KLF8: variants seen among roughly 807,000 people sequenced by gnomAD.
The protein encoded by KLF8 is Krueppel-like factor 8.
A neutral mutation model predicts 18.2 loss-of-function variants in KLF8; 10 were observed. That is an observed-to-expected ratio of 0.55 (90% confidence interval 0.34 to 0.93). The LOEUF is 0.93. Ranked by LOEUF, KLF8 falls within the 40% of genes least tolerant of loss-of-function variation. KLF8 has a pLI of 0.02. For missense variants in KLF8, 264 were observed against 277.9 expected (o/e 0.95, Z 0.36); for synonymous variants, 109 against 97.3 (o/e 1.12, Z -0.71).
At chrX:56,050,775 C>T in the KLF8 span, among the ~76,000 whole-genome samples, 2 of 111,357 alleles carry the variant, frequency 1.8e-5, no homozygotes, top group African/African-American at 6.5e-5. Flanking sequence ...CTGTAGATGT[C>T]TATTAGGTCC....
At chrX:56,061,385 G>A in the KLF8 span, among the ~76,000 whole-genome samples, 5 of 111,363 alleles carry the variant, frequency 4.5e-5, no homozygotes, top group South Asian at 3.7e-4. Flanking sequence ...CATTGGTTTC[G>A]AAGAACTTAT....
intron 1 of KLF8, among the ~76,000 whole-genome samples, chrX:56,247,800 A>C (rs750111019): frequency 8.1e-5 from 9 of 111,371 alleles, no homozygotes; most frequent in Non-Finnish European, 1.7e-4. Flanking sequence ...ACCTCCTGAA[A>C]GACCTGCCTG....
the KLF8 span, among the ~76,000 whole-genome samples, chrX:56,014,691 A>T: frequency 9.0e-6 from 1 of 111,502 alleles, no homozygotes; most frequent in African/African-American, 3.3e-5. Flanking sequence ...TGTGCATTGC[A>T]GCACTATTCA....
At chrX:56,011,468 G>A in the KLF8 span, among the ~76,000 whole-genome samples, 1 of 111,774 alleles carries the variant, frequency 8.9e-6, no homozygotes, top group Non-Finnish European at 1.9e-5. Flanking sequence ...GCAATGTTGA[G>A]GGAAATTTAT....
chrX:56,237,433 G>A (rs1002406148), intron 1 of KLF8, among the ~76,000 whole-genome samples: 15 of 108,991 alleles, frequency 1.4e-4, no homozygotes, highest in Non-Finnish European at 2.7e-4. Context: ...GTGTGTGTGT[G>A]TATATATATA....
chrX:56,188,613 C>G, the KLF8 span, among the ~76,000 whole-genome samples: 1 of 111,987 alleles, frequency 8.9e-6, no homozygotes, highest in Non-Finnish European at 1.9e-5. Context: ...TACCTGACTT[C>G]AAACTATACT....
At chrX:56,049,219 C>A in the KLF8 span, among the ~76,000 whole-genome samples, 1 of 111,371 alleles carries the variant, frequency 9.0e-6, no homozygotes, top group Admixed American at 9.6e-5. Flanking sequence ...CAAAAAGGGA[C>A]AATTTGACTT....
the KLF8 span, among the ~76,000 whole-genome samples, chrX:56,034,900 C>T: frequency 7.6e-5 from 8 of 105,462 alleles, no homozygotes; most frequent in East Asian, 5.9e-4. Context: ...GGACTACAGG[C>T]GCCCGCTACC....
At chrX:55,989,030 T>G in the KLF8 span, among the ~76,000 whole-genome samples, 1 of 111,869 alleles carries the variant, frequency 8.9e-6, no homozygotes, top group African/African-American at 3.3e-5. Context: ...TAAGAATGCT[T>G]GTGATTTTTG....
chrX:56,160,232 GA>G, the KLF8 span, among the ~76,000 whole-genome samples: 1 of 112,013 alleles, frequency 8.9e-6, no homozygotes, highest in African/African-American at 3.2e-5. Context: ...GTTCTAGTTT[GA>G]TTGCACTGTG....
At chrX:56,008,983 A>G in the KLF8 span, among the ~76,000 whole-genome samples, 1 of 111,832 alleles carries the variant, frequency 8.9e-6, no homozygotes, top group Admixed American at 9.5e-5. Context: ...CATGGATGCC[A>G]TGGATTAGTC....
the KLF8 span, among the ~76,000 whole-genome samples, chrX:55,949,642 T>C: frequency 9.2e-6 from 1 of 108,411 alleles, no homozygotes; most frequent in Non-Finnish European, 1.9e-5. Flanking sequence ...AATACAAAAA[T>C]TAGCTGGGCA....
At chrX:56,172,751 A>G in the KLF8 span, among the ~76,000 whole-genome samples, 5,535 of 111,577 alleles carry the variant, frequency 0.05, 356 homozygotes, top group African/African-American at 0.17. Context: ...ATTTCTCCAC[A>G]TCTTCTCCAG....
chrX:55,968,030 A>G, the KLF8 span, among the ~76,000 whole-genome samples: 7 of 111,802 alleles, frequency 6.3e-5, no homozygotes, highest in Admixed American at 6.7e-4. Flanking sequence ...CAATAGATAC[A>G]CAAAAAGTGA....
At chrX:55,989,684 C>T in the KLF8 span, among the ~76,000 whole-genome samples, 4 of 111,605 alleles carry the variant, frequency 3.6e-5, no homozygotes, top group African/African-American at 9.8e-5. Context: ...TGTATCTCTG[C>T]CAGGCTTTGG....
At chrX:56,168,978 C>G in the KLF8 span, among the ~76,000 whole-genome samples, 1 of 111,623 alleles carries the variant, frequency 9.0e-6, no homozygotes, top group Admixed American at 9.6e-5. Context: ...TTGCAAAGCT[C>G]TAGTAACAAA....
At chrX:56,251,750 C>T (rs1219346030) in intron 2 of KLF8, among the ~76,000 whole-genome samples, 2 of 110,855 alleles carry the variant, frequency 1.8e-5, no homozygotes, top group Admixed American at 9.6e-5. Context: ...TGTGAGCCAC[C>T]GTACCTGGCC....
intron 5 of KLF8, among the ~76,000 whole-genome samples, chrX:56,279,921 G>C (rs1462592811): frequency 2.7e-5 from 3 of 111,934 alleles, no homozygotes; most frequent in African/African-American, 9.7e-5. Context: ...CCCTGGGACT[G>C]AGGCAGCGAC....
At chrX:56,003,070 C>G in the KLF8 span, among the ~76,000 whole-genome samples, 14,540 of 111,132 alleles carry the variant, frequency 0.13, 1,734 homozygotes, top group African/African-American at 0.39. Context: ...CCTTCTCTGT[C>G]CCTGACTATG....
Sources: gnomAD v4.1 joint callset for allele counts (sites outside exome capture counted in the v4.1 genomes callset) on GRCh38, gnomAD v4.1.1 for gene constraint, MANE v1.5 for transcripts, NCBI Gene and HGNC (gene_info 2026-07-23, HGNC 2026-07-21) for gene names.